ARHGAP15: variants seen among roughly 807,000 people sequenced by gnomAD.
The protein encoded by ARHGAP15 is rho GTPase-activating protein 15.
A neutral mutation model predicts 63.7 loss-of-function variants in ARHGAP15; 51 were observed. That is an observed-to-expected ratio of 0.80 (90% CI 0.64 to 1.01). The LOEUF is 1.01. Ranked by LOEUF, ARHGAP15 falls within the 50% of genes least tolerant of loss-of-function variation. ARHGAP15 has a pLI of 0.00. For synonymous variants in ARHGAP15, 191 were observed against 193.8 expected (o/e 0.99, Z 0.12); for missense variants, 560 against 564.6 (o/e 0.99, Z 0.08).
intron 6 of ARHGAP15, among the ~76,000 whole-genome samples, chr2:143,285,828 A>G (rs983875847): frequency 3.3e-5 from 5 of 152,312 alleles, no homozygotes; most frequent in African/African-American, 9.6e-5. Flanking sequence ...AGTCCTAATA[A>G]AACTCTGTCT....
At chr2:143,192,329 G>A (rs1385922882) in intron 2 of ARHGAP15, among the ~76,000 whole-genome samples, 2 of 152,210 alleles carry the variant, frequency 1.3e-5, no homozygotes, top group African/African-American at 2.4e-5. Flanking sequence ...ACTCAACAGA[G>A]CATATTCAGA....
intron 10 of ARHGAP15, among the ~76,000 whole-genome samples, chr2:143,548,420 G>A (rs978022313): frequency 9.9e-5 from 15 of 150,830 alleles, no homozygotes; most frequent in Non-Finnish European, 1.9e-4. Flanking sequence ...TTTAAATCTG[G>A]AATTTGCCCC....
At chr2:143,484,330 C>T (rs1692213888) in intron 8 of ARHGAP15, among the ~76,000 whole-genome samples, 1 of 146,932 alleles carries the variant, frequency 6.8e-6, no homozygotes, top group South Asian at 2.1e-4. Flanking sequence ...CGCACCACTG[C>T]ACTCCAGCGT....
chr2:143,581,480 T>C (rs1374595736), intron 11 of ARHGAP15, among the ~76,000 whole-genome samples: 2 of 152,284 alleles, frequency 1.3e-5, no homozygotes, highest in South Asian at 2.1e-4. Flanking sequence ...TGTCCTTAAA[T>C]TTCCCAGGGA....
chr2:143,716,567 A>T (rs1684821306), intron 13 of ARHGAP15, among the ~76,000 whole-genome samples: 1 of 152,200 alleles, frequency 6.6e-6, no homozygotes, highest in Non-Finnish European at 1.5e-5. Context: ...GAAAAAAAAA[A>T]TCACCTTGAC....
chr2:143,460,582 A>C (rs917645529), intron 8 of ARHGAP15, among the ~76,000 whole-genome samples: 2 of 152,174 alleles, frequency 1.3e-5, no homozygotes, highest in African/African-American at 4.8e-5. Context: ...ATGAAGCACA[A>C]ATTGTGGTTT....
At chr2:143,247,905 T>A (rs1370055553) in intron 5 of ARHGAP15, among the ~76,000 whole-genome samples, 1 of 152,202 alleles carries the variant, frequency 6.6e-6, no homozygotes, top group African/African-American at 2.4e-5. Flanking sequence ...GACACTAAAG[T>A]CTTCCTTCCA....
chr2:143,485,051 A>G (rs371773911), intron 8 of ARHGAP15, among the ~76,000 whole-genome samples: 69 of 152,304 alleles, frequency 4.5e-4, no homozygotes, highest in African/African-American at 1.4e-3. Flanking sequence ...TCTCAGACCT[A>G]TAGTACCCAT....
chr2:143,324,717 C>T (rs932588015), intron 6 of ARHGAP15, among the ~76,000 whole-genome samples: 4 of 152,064 alleles, frequency 2.6e-5, no homozygotes, highest in African/African-American at 7.2e-5. Context: ...CAAAGTAACA[C>T]GGCACTTGAT....
At chr2:143,302,164 G>GAT (rs1682934945) in intron 6 of ARHGAP15, among the ~76,000 whole-genome samples, 1 of 151,858 alleles carries the variant, frequency 6.6e-6, no homozygotes, top group African/African-American at 2.4e-5. Context: ...GATCACGTAA[G>GAT]ATATGAATAT....
chr2:143,143,253 G>A (rs1689443175), intron 1 of ARHGAP15, among the ~76,000 whole-genome samples: 2 of 152,166 alleles, frequency 1.3e-5, no homozygotes, highest in African/African-American at 4.8e-5. Flanking sequence ...TGAAAAGGCA[G>A]TTGAATCACT....
rs374437110 is a variant in ARHGAP15, at chr2:143,136,559, G to C, written c.-15+7093G>C. 6.4e-4 allele frequency among the ~76,000 whole-genome samples: 96 copies of C among 151,098 alleles called. 1 individual carries two copies. The highest frequency in any genetic ancestry group is 2.2e-3 in the African/African-American group (91 of 40,478). On this transcript the variant is annotated intron_variant, in intron 1 of 13. Transcript: ENST00000295095. ...GGCAATGTTTACAACCTTTTAGTCA[G>C]ACTTTTTGTTGGGCCCCCGGCTCCA...
intron 6 of ARHGAP15, among the ~76,000 whole-genome samples, chr2:143,283,288 C>T (rs1473847995): frequency 1.3e-5 from 2 of 152,038 alleles, no homozygotes; most frequent in Non-Finnish European, 2.9e-5. Context: ...TTTGAAACTG[C>T]CAACATGAGA....
chr2:143,513,749 A>C (rs921023609), intron 9 of ARHGAP15, among the ~76,000 whole-genome samples: 2 of 152,206 alleles, frequency 1.3e-5, no homozygotes, highest in African/African-American at 4.8e-5. Flanking sequence ...TCTCCAGTCA[A>C]GCAAGGAACT....
At chr2:143,178,266 C>A (rs1477373915) in intron 2 of ARHGAP15, among the ~76,000 whole-genome samples, 1 of 152,078 alleles carries the variant, frequency 6.6e-6, no homozygotes, top group African/African-American at 2.4e-5. Context: ...ATATTATTTT[C>A]AGAAAAAACT....
intron 6 of ARHGAP15, among the ~76,000 whole-genome samples, chr2:143,338,514 G>A (rs1478421260): frequency 6.6e-6 from 1 of 152,088 alleles, no homozygotes; most frequent in African/African-American, 2.4e-5. Context: ...CCAACAAATA[G>A]AATCAGGATC....
intron 11 of ARHGAP15, among the ~76,000 whole-genome samples, chr2:143,605,985 G>A (rs1697993608): frequency 7.5e-6 from 1 of 133,298 alleles, no homozygotes; most frequent in Admixed American, 8.6e-5. Context: ...GCAGTGAGCG[G>A]AGATGGTGCC....
intron 8 of ARHGAP15, among the ~76,000 whole-genome samples, chr2:143,478,809 ACTT>A (rs1461227725): frequency 5.3e-5 from 8 of 152,330 alleles, no homozygotes; most frequent in Admixed American, 1.3e-4. Flanking sequence ...ACATTTTCCC[ACTT>A]CTTAACTATT....
chr2:143,270,202 C>G (rs970211584), intron 6 of ARHGAP15, among the ~76,000 whole-genome samples: 2 of 152,144 alleles, frequency 1.3e-5, no homozygotes, highest in Non-Finnish European at 2.9e-5. Flanking sequence ...AACTCCTGAC[C>G]TTAGGTGATC....
Sources: allele counts gnomAD v4.1 joint callset (sites outside exome capture counted in the v4.1 genomes callset), GRCh38; gene constraint gnomAD v4.1.1; transcripts MANE v1.5; gene names NCBI Gene and HGNC (gene_info 2026-07-23, HGNC 2026-07-21).